PRSS55: variants seen among roughly 807,000 people sequenced by gnomAD.
The protein encoded by PRSS55 is probable serine protease UNQ9391/PRO34284.
Under a neutral mutation model 23.6 loss-of-function variants are expected in PRSS55, and 41 were observed. The ratio of observed to expected loss-of-function variants is 1.74; its 90% CI spans 1.35 to 2.26. The LOEUF (loss-of-function observed/expected upper bound fraction) is 2.26, where lower values mean the gene tolerates loss of function less well. Among genes scored for constraint, PRSS55 ranks in the 30% most tolerant of loss-of-function variants. The pLI is 0.00. For synonymous variants in PRSS55, 262 were observed against 175.5 expected, an observed-to-expected ratio of 1.49 and a Z score of -3.90; for missense variants, 669 against 439.1, an observed-to-expected ratio of 1.52 and a Z score of -4.68.
chr8:10,536,999 C>CTCA (rs1704356577), intron 4 of PRSS55, among the ~76,000 whole-genome samples: 1 of 152,102 alleles, frequency 6.6e-6, no homozygotes, highest in Non-Finnish European at 1.5e-5. Flanking sequence ...AACAAATCTG[C>CTCA]TCATGTACCC....
rs766846358 is a variant in PRSS55, at chr8:10,538,762, C to G, written c.1028C>G (p.Ser343Cys). Residue 343 changes from serine (S) to cysteine (C), a missense_variant, in exon 5 of 5, where the codon TCC (serine) becomes TGC (cysteine). Coordinates refer to ENST00000328655, the MANE Select transcript of PRSS55 (RefSeq NM_198464.4). ...TCCTGGCTCCTGCTCTGTCCCCTGT[C>G]CCATGTGTTGTTCAGAGCTATTTTG... ...PRSWLLLCPL[S>C]HVLFRAILY is the part of the protein sequence containing the mutation. 12 of 1,598,170 alleles carry G rather than the reference C, an allele frequency of 7.5e-6. No individual in the cohort carries two copies. In the East Asian group the frequency reaches 1.6e-4, roughly 21 times the overall value.
At position 10,529,559 on chromosome 8, in the gene PRSS55, A is replaced by T; in HGVS notation, c.207A>T (p.Thr69=). The part of the protein sequence containing the change: ...FEGRTRYSRI[T]GGMEAEVGEF... ...GAAGAACTCGGTATTCCAGAATCAC[A>T]GGGGGGATGGAGGCGGAGGTGGGTG... The change falls in exon 2 of 5, where the codon ACA becomes ACT. Residue 69 remains threonine (T), a synonymous_variant. Coordinates refer to ENST00000328655, the MANE Select transcript of PRSS55 (RefSeq NM_198464.4). The T allele has an allele frequency of 6.2e-7, 1 of 1,614,164 alleles. No individual in the cohort carries two copies.
Position 10,533,053 on chromosome 8 carries a change from C to T in PRSS55, c.741+5C>T. On this transcript the variant is annotated splice_donor_5th_base_variant and intron_variant, in intron 4 of 4. Transcript: ENST00000328655. ...GAGAGCTATGATGCCTGCAAGGTAA[C>T]TAGGGGGTACCCTCCCTCACCTTAT... 1.2e-6 allele frequency: 2 copies of T among 1,614,150 alleles called. No individual in the cohort carries two copies. The highest frequency in any genetic ancestry group is 1.1e-5 in the South Asian group (1 of 91,078).
chr8:10,537,269 T>TC, intron 4 of PRSS55, among the ~76,000 whole-genome samples: 1 of 152,278 alleles, frequency 6.6e-6, no homozygotes, highest in African/African-American at 2.4e-5. Flanking sequence ...AATTAGGCAG[T>TC]ATACACGACG....
chr8:10,529,403 G>A (rs541003700), intron 1 of PRSS55, 104 bp from the exon 2 acceptor site: 7 of 1,146,186 alleles, frequency 6.1e-6, no homozygotes, highest in Non-Finnish European at 9.2e-6. Context: ...TGGGGATGAG[G>A]ATATCCACTT....
chr8:10,548,556 G>A (rs1812876202), intron 4 of PRSS55, among the ~76,000 whole-genome samples: 1 of 152,182 alleles, frequency 6.6e-6, no homozygotes, highest in Non-Finnish European at 1.5e-5. Flanking sequence ...TGAGGCTGGG[G>A]TCACTTTGGA....
chr8:10,549,069 G>T (rs146496316), intron 4 of PRSS55, among the ~76,000 whole-genome samples: 279 of 152,328 alleles, frequency 1.8e-3, no homozygotes, highest in African/African-American at 6.6e-3. Context: ...GGCCCCTGGA[G>T]CCTGGAGCAT....
chr8:10,546,084 G>A (rs145522984), intron 4 of PRSS55, among the ~76,000 whole-genome samples: 3 of 152,092 alleles, frequency 2.0e-5, no homozygotes, highest in African/African-American at 4.8e-5. Context: ...GGCAGGGCTC[G>A]GTGTCACTTA....
downstream of PRSS55, among the ~76,000 whole-genome samples, chr8:10,542,435 A>AAT (rs1812684629): frequency 2.0e-5 from 3 of 151,834 alleles, no homozygotes; most frequent in Non-Finnish European, 4.4e-5. Flanking sequence ...AAAAAAAAAA[A>AAT]GCTAAGACAA....
At chr8:10,548,171 G>GA (rs1812864760) in intron 4 of PRSS55, among the ~76,000 whole-genome samples, 1 of 152,142 alleles carries the variant, frequency 6.6e-6, no homozygotes, top group Admixed American at 6.5e-5. Context: ...GGCGGGCTTT[G>GA]GAGAGGGGGC....
rs573858324 is a variant in PRSS55 at position 10,552,679 on chromosome 8, A to G, written c.742-1264A>G. ...GCTAAATGAAAAACTTCTCAACATC[A>G]CTAATCATCAAGGAAATGCAAATTA... On this transcript the variant is annotated intron_variant, in intron 4 of 4. Transcript: ENST00000522210. Among the ~76,000 whole-genome samples the G allele has an allele frequency of 3.9e-5, 6 of 152,340 alleles. No homozygotes were observed. The East Asian group carries it at 9.6e-4, about 24-fold the overall frequency.
At chr8:10,532,661 A>G (rs1812310250) in intron 3 of PRSS55, among the ~76,000 whole-genome samples, 2 of 152,182 alleles carry the variant, frequency 1.3e-5, no homozygotes, top group Non-Finnish European at 1.5e-5. Flanking sequence ...GTCAAGTTGG[A>G]AGTCTTCTTG....
chr8:10,532,173 G>A (rs538497587), intron 3 of PRSS55, among the ~76,000 whole-genome samples: 8 of 152,256 alleles, frequency 5.3e-5, no homozygotes, highest in East Asian at 1.9e-4. Flanking sequence ...GATTTGCAGC[G>A]AGCCTGGGCC....
chr8:10,532,355 C>A (rs1812298629), intron 3 of PRSS55, among the ~76,000 whole-genome samples: 1 of 152,134 alleles, frequency 6.6e-6, no homozygotes, highest in African/African-American at 2.4e-5. Flanking sequence ...TCTTTGTGGT[C>A]AGAGTTAATG....
chr8:10,536,285 A>G lies in PRSS55; in HGVS notation c.742-2191A>G, dbSNP rs1037170733. Reference sequence around the variant, plus strand: ...ATAAAGCTCAATATCACTAATTATTAGAGAAATGCAAATCAAAGCCACAAT... The same window carrying G: ...ATAAAGCTCAATATCACTAATTATTGGAGAAATGCAAATCAAAGCCACAAT... On this transcript the variant is annotated intron_variant, in intron 4 of 4. Transcript: ENST00000328655. 9.2e-4 allele frequency among the ~76,000 whole-genome samples: 140 copies of G among 152,370 alleles called. 2 individuals are homozygous for G. The highest frequency in any genetic ancestry group is 2.4e-3 in the African/African-American group (101 of 41,594).
intron 4 of PRSS55, among the ~76,000 whole-genome samples, chr8:10,545,724 C>G (rs115025338): frequency 1.3e-5 from 2 of 152,168 alleles, no homozygotes; most frequent in Non-Finnish European, 2.9e-5. Flanking sequence ...TGAATTGAGA[C>G]TGTAGAGACA....
chr8:10,532,814 G>A (rs1812316731), intron 3 of PRSS55, 92 bp from the exon 4 acceptor site: 3 of 1,521,778 alleles, frequency 2.0e-6, no homozygotes, highest in Non-Finnish European at 2.7e-6. Context: ...TGGGGGCTGG[G>A]GGACACAGGG....
intron 1 of PRSS55, among the ~76,000 whole-genome samples, chr8:10,528,515 A>C (rs1812118502): frequency 6.6e-6 from 1 of 152,190 alleles, no homozygotes; most frequent in Non-Finnish European, 1.5e-5. Context: ...GAGGAGCTGG[A>C]CCCGGCCTCT....
downstream of PRSS55, chr8:10,541,660 A>G (rs974051136): frequency 6.6e-6 from 1 of 152,090 alleles, no homozygotes; most frequent in Non-Finnish European, 1.5e-5. Flanking sequence ...TATCTAATCT[A>G]TCTCTCCTGT....
Sources: gnomAD v4.1 joint callset for allele counts (sites outside exome capture counted in the v4.1 genomes callset) on GRCh38, gnomAD v4.1.1 for gene constraint, MANE v1.5 for transcripts, NCBI Gene and HGNC (gene_info 2026-07-23, HGNC 2026-07-21) for gene names.